Variants in IL1RAPL2 observed in about 807,000 individuals in gnomAD.
IL1RAPL2 encodes X-linked interleukin-1 receptor accessory protein-like 2.
Under a neutral mutation model 44.1 loss-of-function variants are expected in IL1RAPL2, and 3 were observed. That is an observed-to-expected ratio of 0.07 (90% CI 0.03 to 0.18). The LOEUF (loss-of-function observed/expected upper bound fraction) is 0.18. Among genes scored for constraint, IL1RAPL2 ranks in the 10% least tolerant of loss-of-function variants. IL1RAPL2 has a pLI of 1.00. For missense variants in IL1RAPL2, 391 were observed against 496.4 expected (o/e 0.79, Z 2.02); for synonymous variants, 181 against 178.8 (o/e 1.01, Z -0.10).
At chrX:104,755,038 A>G (rs1174194763) in intron 2 of IL1RAPL2, among the ~76,000 whole-genome samples, 1 of 111,654 alleles carries the variant, frequency 9.0e-6, no homozygotes, top group Non-Finnish European at 1.9e-5. Context: ...GTCTCAACAA[A>G]TCATTTAAAG....
At chrX:105,447,780 TA>T (rs1346901782) in intron 5 of IL1RAPL2, among the ~76,000 whole-genome samples, 6 of 84,175 alleles carry the variant, frequency 7.1e-5, no homozygotes, top group Non-Finnish European at 1.0e-4. Context: ...ATAAATATAT[TA>T]AAAATATATA....
chrX:105,047,717 G>C (rs1409216269), intron 2 of IL1RAPL2, among the ~76,000 whole-genome samples: 1 of 111,623 alleles, frequency 9.0e-6, no homozygotes, highest in Non-Finnish European at 1.9e-5. Context: ...ATGCAAGCAG[G>C]CTAGGTAGTC....
chrX:104,851,232 C>T (rs1922217469), intron 2 of IL1RAPL2, among the ~76,000 whole-genome samples: 1 of 111,501 alleles, frequency 9.0e-6, no homozygotes. Context: ...CACATGTAAC[C>T]AAACCAAAAT....
intron 6 of IL1RAPL2, among the ~76,000 whole-genome samples, chrX:105,683,289 A>C (rs892749656): frequency 1.1e-4 from 12 of 111,997 alleles, no homozygotes; most frequent in African/African-American, 3.9e-4. Flanking sequence ...TAACTTTTCA[A>C]ACTCAGGTAT....
At chrX:105,422,170 A>G (rs946869544) in intron 5 of IL1RAPL2, among the ~76,000 whole-genome samples, 1 of 112,019 alleles carries the variant, frequency 8.9e-6, no homozygotes, top group South Asian at 3.7e-4. Flanking sequence ...TTTGTTTCAT[A>G]GGAGTCTCAG....
chrX:105,266,669 C>A (rs1212856737), intron 4 of IL1RAPL2, among the ~76,000 whole-genome samples: 1 of 111,315 alleles, frequency 9.0e-6, no homozygotes, highest in Non-Finnish European at 1.9e-5. Context: ...GCTTCAAAAC[C>A]CAAAACTTGT....
At chrX:104,623,415 C>T (rs1160155510) in intron 1 of IL1RAPL2, among the ~76,000 whole-genome samples, 2 of 111,100 alleles carry the variant, frequency 1.8e-5, no homozygotes, top group Admixed American at 9.7e-5. Context: ...CCAGTTTGCT[C>T]TTGCTAGTTA....
chrX:104,740,525 T>A (rs1932084869), intron 2 of IL1RAPL2, among the ~76,000 whole-genome samples: 1 of 111,080 alleles, frequency 9.0e-6, no homozygotes, highest in Middle Eastern at 4.7e-3. Flanking sequence ...GGAATTGGGA[T>A]TCATATTTGA....
chrX:104,808,531 G>A (rs956414898), intron 2 of IL1RAPL2, among the ~76,000 whole-genome samples: 18 of 111,120 alleles, frequency 1.6e-4, no homozygotes, highest in African/African-American at 4.9e-4. Context: ...GTCAGTAGGT[G>A]GTAACATGAC....
intron 6 of IL1RAPL2, among the ~76,000 whole-genome samples, chrX:105,630,371 C>A (rs372773064): frequency 9.0e-6 from 1 of 111,309 alleles, no homozygotes; most frequent in East Asian, 2.8e-4. Flanking sequence ...AGGTAGATAC[C>A]ATTATTCATT....
chrX:105,486,858 C>T (rs1487099814), intron 6 of IL1RAPL2, among the ~76,000 whole-genome samples: 2 of 109,293 alleles, frequency 1.8e-5, no homozygotes, highest in East Asian at 2.9e-4. Flanking sequence ...TTTGGGAGGC[C>T]GAGGAGGGCA....
At chrX:105,669,410 A>G (rs1446672712) in intron 6 of IL1RAPL2, among the ~76,000 whole-genome samples, 1 of 111,444 alleles carries the variant, frequency 9.0e-6, no homozygotes, top group East Asian at 2.8e-4. Context: ...CCCACCCACA[A>G]TTTCACCTTG....
At chrX:104,911,540 C>T (rs1469779885) in intron 2 of IL1RAPL2, among the ~76,000 whole-genome samples, 1 of 111,749 alleles carries the variant, frequency 8.9e-6, no homozygotes, top group Non-Finnish European at 1.9e-5. Flanking sequence ...TCTTTGTCTT[C>T]ACTACCACCA....
chrX:105,601,516 G>C (rs148759572), intron 6 of IL1RAPL2, among the ~76,000 whole-genome samples: 3,448 of 111,134 alleles, frequency 0.031, 155 homozygotes, highest in African/African-American at 0.11. Flanking sequence ...CCCTATTATA[G>C]GGAAAAAGTA....
intron 5 of IL1RAPL2, among the ~76,000 whole-genome samples, chrX:105,353,246 C>A (rs933487335): frequency 2.7e-5 from 3 of 110,788 alleles, no homozygotes. Context: ...GTTGTAGATA[C>A]GCGGCATTAT....
intron 1 of IL1RAPL2, among the ~76,000 whole-genome samples, chrX:104,586,455 C>T (rs1928566594): frequency 9.0e-6 from 1 of 111,525 alleles, no homozygotes; most frequent in African/African-American, 3.3e-5. Context: ...TAATTAGATC[C>T]TATGTTTCAA....
intron 2 of IL1RAPL2, among the ~76,000 whole-genome samples, chrX:104,879,482 G>A (rs1923004925): frequency 9.1e-6 from 1 of 110,229 alleles, no homozygotes; most frequent in Non-Finnish European, 1.9e-5. Context: ...TCATGTTTGT[G>A]CCAAATGGCA....
intron 5 of IL1RAPL2, among the ~76,000 whole-genome samples, chrX:105,317,924 A>G (rs2034858123): frequency 9.1e-6 from 1 of 110,395 alleles, no homozygotes. Flanking sequence ...TTGGGATTCA[A>G]AGTTCATACA....
At chrX:104,949,332 G>C (rs753039646) in intron 2 of IL1RAPL2, among the ~76,000 whole-genome samples, 5 of 111,072 alleles carry the variant, frequency 4.5e-5, no homozygotes, top group Non-Finnish European at 9.4e-5. Context: ...AGTCTTGCTA[G>C]CAGTCTATCT....
Sources: gnomAD v4.1 joint callset for allele counts (sites outside exome capture counted in the v4.1 genomes callset) on GRCh38, gnomAD v4.1.1 for gene constraint, MANE v1.5 for transcripts, NCBI Gene and HGNC (gene_info 2026-07-23, HGNC 2026-07-21) for gene names.